The following SLC2A11 variants were observed in gnomAD, a reference collection of about 807,000 sequenced individuals.
SLC2A11 encodes the protein solute carrier family 2, facilitated glucose transporter member 11.
Under a neutral mutation model 52.1 loss-of-function variants are expected in SLC2A11, and 43 were observed. The observed-to-expected ratio is 0.82, with a 90% CI of 0.65 to 1.06. The LOEUF (loss-of-function observed/expected upper bound fraction) is 1.06, where lower values mean the gene tolerates loss of function less well. Ranked by LOEUF, SLC2A11 falls within the 50% of genes least tolerant of loss-of-function variation. SLC2A11 has a pLI of 0.00. For synonymous variants in SLC2A11, 261 were observed against 277.6 expected, an observed-to-expected ratio of 0.94 and a Z score of 0.59; for missense variants, 582 against 654.2, an observed-to-expected ratio of 0.89 and a Z score of 1.20.
Position 23,884,382 on chromosome 22 carries a change from A to C in SLC2A11, c.1252A>C (p.Met418Leu), listed in dbSNP as rs754791093. The C allele has an allele frequency of 1.4e-5, 23 of 1,613,884 alleles. No individual in the cohort carries two copies. The highest frequency in any genetic ancestry group is 1.9e-5 in the Non-Finnish European group (23 of 1,180,012). The change falls in exon 11 of 12, where the codon ATG becomes CTG. Residue 418 changes from methionine (M) to leucine (L), a missense_variant. Met to Leu is a conservative substitution (Grantham distance 15). Transcript: ENST00000316185. The surrounding 1 kb of genome is among the most constrained non-coding windows in gnomAD (Gnocchi z 4.3). ...PAACMVCGAL[M>L]WIMLILVGLG... ...TGCCTGCATGGTCTGCGGGGCGCTC[A>C]TGTGGATCATGCTCATCCTGGTCGG...
upstream of SLC2A11, chr22:23,857,134 C>G (rs574701335): frequency 3.5e-4 from 417 of 1,184,704 alleles, 2 homozygotes; most frequent in South Asian, 1.4e-3. Flanking sequence ...CTTGGCCCTC[C>G]GGAGAACGCC....
At chr22:23,871,562 AC>A (rs1391150821) in intron 3 of SLC2A11, 2 of 151,260 alleles carry the variant, frequency 1.3e-5, no homozygotes, top group Non-Finnish European at 2.9e-5. Flanking sequence ...ACATGGTGAA[AC>A]CCCATCTCTA....
At chr22:23,862,354 C>A in intron 2 of SLC2A11, 152 bp downstream of exon 2, 1 of 654,378 alleles carries the variant, frequency 1.5e-6, no homozygotes, top group African/African-American at 1.8e-5. Context: ...CCTGCAGGTT[C>A]AAACTGAGCA....
upstream of SLC2A11, chr22:23,857,213 G>T: frequency 1.3e-6 from 1 of 753,660 alleles, no homozygotes; most frequent in Non-Finnish European, 2.2e-6. Flanking sequence ...GCGCAGGGTT[G>T]CGGCTGAGGT....
chr22:23,867,506 TC>T (rs2032309067), intron 2 of SLC2A11: 7 of 327,882 alleles, frequency 2.1e-5, no homozygotes, highest in South Asian at 1.7e-4. Context: ...CCACGGAATT[TC>T]TTGAGTGATA....
At chr22:23,882,219 CAGAGACAGAGAGATTG>C (rs2032835903) in intron 6 of SLC2A11, 1 of 552,428 alleles carries the variant, frequency 1.8e-6, no homozygotes, top group Non-Finnish European at 3.2e-6. Context: ...CACACAGACA[CAGAGACAGAGAGATTG>C]AGAGGCAGAG....
At chr22:23,868,743 GC>G in intron 3 of SLC2A11, 102 bp downstream of exon 3, 1 of 1,376,574 alleles carries the variant, frequency 7.3e-7, no homozygotes, top group Non-Finnish European at 1.0e-6. Flanking sequence ...CAAGCTCCAG[GC>G]CCAGATCAGC....
intron 1 of SLC2A11, 111 bp downstream of exon 1, chr22:23,858,140 T>C (rs771512205): frequency 1.3e-4 from 192 of 1,422,752 alleles, no homozygotes; most frequent in Non-Finnish European, 1.8e-4. Context: ...CGTCAAATGT[T>C]CAAAAATATC....
chr22:23,859,757 G>A (rs1330428932), intron 1 of SLC2A11, among the ~76,000 whole-genome samples: 2 of 152,216 alleles, frequency 1.3e-5, no homozygotes, highest in Admixed American at 6.5e-5. Context: ...CCAAAGTGCA[G>A]GGATTGCAGG....
At chr22:23,862,685 A>G (rs1409830243) in intron 2 of SLC2A11, among the ~76,000 whole-genome samples, 1 of 151,264 alleles carries the variant, frequency 6.6e-6, no homozygotes, top group East Asian at 1.9e-4. Flanking sequence ...GTGCAATGGC[A>G]TGATCTTGGC....
At chr22:23,875,938 T>A (rs1321436524) in intron 4 of SLC2A11, among the ~76,000 whole-genome samples, 1 of 152,094 alleles carries the variant, frequency 6.6e-6, no homozygotes, top group African/African-American at 2.4e-5. Flanking sequence ...GCTGCAGACA[T>A]CAGAAGGGTT....
intron 5 of SLC2A11, 94 bp from the exon 6 acceptor site, chr22:23,877,627 C>A: frequency 6.9e-7 from 1 of 1,447,396 alleles, no homozygotes; most frequent in Non-Finnish European, 9.3e-7. Context: ...CAATTGCAGA[C>A]TCCCTGCAGG....
chr22:23,857,040 G>C, upstream of SLC2A11: 1 of 1,442,760 alleles, frequency 6.9e-7, no homozygotes, highest in Non-Finnish European at 9.3e-7. Flanking sequence ...TCTGGGGAAA[G>C]GTCGGGGATA....
chr22:23,857,074 G>A, upstream of SLC2A11: 1 of 288,660 alleles, frequency 3.5e-6, no homozygotes, highest in South Asian at 5.1e-5. Context: ...GTGTGTGTGT[G>A]GGGGGGGGGG....
chr22:23,883,549 A>G (rs1339323767), intron 8 of SLC2A11: 15 of 501,896 alleles, frequency 3.0e-5, no homozygotes, highest in South Asian at 1.0e-4. Flanking sequence ...TTGAGCATCT[A>G]CGGTTTGCGG....
At chr22:23,875,285 A>T (rs769877336) in intron 4 of SLC2A11, 44 bp downstream of exon 4, 65 of 1,339,054 alleles carry the variant, frequency 4.9e-5, no homozygotes, top group Non-Finnish European at 5.9e-5. Flanking sequence ...ATGCCTATTA[A>T]TTAATAAATT....
At chr22:23,877,642 T>C (rs1394716533) in intron 5 of SLC2A11, 79 bp from the exon 6 acceptor site, 8 of 1,471,576 alleles carry the variant, frequency 5.4e-6, no homozygotes, top group African/African-American at 2.8e-5. Flanking sequence ...TGCAGGGAGG[T>C]GTGTAGGTGG....
intron 4 of SLC2A11, among the ~76,000 whole-genome samples, chr22:23,875,826 C>T (rs769050237): frequency 1.3e-5 from 2 of 152,180 alleles, no homozygotes; most frequent in Non-Finnish European, 2.9e-5. Context: ...AAATAATCAA[C>T]ATTTATAATC....
Position 23,885,295 on chromosome 22 carries a change from C to A in SLC2A11, c.*446C>A. 4.6e-6 allele frequency: 1 copy of A among 219,150 alleles called. No homozygotes were observed. 13.6% of individuals were successfully genotyped at this position (219,150 alleles called of 1,614,324 possible). A position where few individuals can be genotyped will look rare whatever the true frequency, so the allele number is the denominator to read the frequency against. ...ACTTGAGTCCAAGAGTTCAAGGTAG[C>A]AGTAAGCTACAATCACACCACTGCA... On this transcript the variant is annotated 3_prime_UTR_variant, in exon 12 of 12. Transcript: ENST00000316185.
Sources: gnomAD v4.1 joint callset for allele counts (sites outside exome capture counted in the v4.1 genomes callset) on GRCh38, gnomAD v4.1.1 for gene constraint, Gnocchi (gnomAD v3.1) non-coding constraint, MANE v1.5 for transcripts, NCBI Gene and HGNC (gene_info 2026-07-23, HGNC 2026-07-21) for gene names.